NEGR1: variants seen among roughly 807,000 people sequenced by gnomAD.
The protein encoded by NEGR1 is neuronal growth regulator 1.
Under a neutral mutation model 40.9 loss-of-function variants are expected in NEGR1, and 10 were observed. The observed-to-expected ratio is 0.24, with a 90% CI of 0.15 to 0.42. The LOEUF is 0.42. Among genes scored for constraint, NEGR1 ranks in the 10% least tolerant of loss-of-function variants. The probability of loss-of-function intolerance (pLI) is 1.00; values close to 1 mark genes in which losing one functional copy is unlikely to be tolerated. For missense variants in NEGR1, 352 were observed against 438.9 expected, an observed-to-expected ratio of 0.80 and a Z score of 1.77; for synonymous variants, 185 against 166.8, an observed-to-expected ratio of 1.11 and a Z score of -0.84.
At chr1:72,102,585 G>T (rs1377872215) in intron 1 of NEGR1, among the ~76,000 whole-genome samples, 1 of 152,056 alleles carries the variant, frequency 6.6e-6, no homozygotes, top group Non-Finnish European at 1.5e-5. Flanking sequence ...TTTTGCTAAT[G>T]ATGGTGTAAC....
At chr1:72,090,113 G>A (rs1465645734) in intron 1 of NEGR1, among the ~76,000 whole-genome samples, 1 of 151,966 alleles carries the variant, frequency 6.6e-6, no homozygotes, top group African/African-American at 2.4e-5. Context: ...TTCTTAGTAA[G>A]AAGATAGTTG....
At chr1:72,038,298 T>C (rs2100451590) in intron 1 of NEGR1, among the ~76,000 whole-genome samples, 1 of 152,174 alleles carries the variant, frequency 6.6e-6, no homozygotes, top group South Asian at 2.1e-4. Context: ...TGGCAAGACA[T>C]ATGCCTAAAT....
Position 71,515,724 on chromosome 1 carries a change from A to G in NEGR1, c.940+77093T>C, listed in dbSNP as rs886133875. The stretch of plus-strand genomic sequence containing the variant: ...GACAGGATCAAATTCACACATAACA[A>G]TATTAACTTTAAATGTAAGTGGACT... On this transcript the variant is annotated intron_variant, in intron 6 of 6. Transcript: ENST00000357731. 2.9e-5 allele frequency among the ~76,000 whole-genome samples: 4 copies of G among 138,106 alleles called. 1 individual carries two copies. Among genetic ancestry groups the G allele is most frequent in the Admixed American group, 7.1e-5 (1 of 14,154 alleles). The allele number at this position is 138,106 out of a possible 152,430, so 90.6% of individuals were successfully genotyped here. A position where few individuals can be genotyped will look rare whatever the true frequency, so the allele number is the denominator to read the frequency against.
chr1:71,600,226 GGCTATAAC>G (rs1422227133), intron 5 of NEGR1, among the ~76,000 whole-genome samples: 1 of 152,180 alleles, frequency 6.6e-6, no homozygotes, highest in Non-Finnish European at 1.5e-5. Context: ...TTTAGTAAAA[GGCTATAAC>G]GCAGTCTTCC....
intron 1 of NEGR1, among the ~76,000 whole-genome samples, chr1:72,096,142 A>T (rs191154064): frequency 6.2e-4 from 95 of 152,238 alleles, no homozygotes; most frequent in African/African-American, 2.0e-3. Context: ...TTTCCAATTA[A>T]AATTGAAAAT....
At chr1:71,954,475 T>C (rs916647750) in intron 1 of NEGR1, among the ~76,000 whole-genome samples, 6 of 151,914 alleles carry the variant, frequency 3.9e-5, no homozygotes, top group Non-Finnish European at 7.4e-5. Context: ...ATATATACTA[T>C]GGAATTTAAA....
intron 6 of NEGR1, among the ~76,000 whole-genome samples, chr1:71,590,106 A>C (rs1649449072): frequency 6.6e-6 from 1 of 152,066 alleles, no homozygotes; most frequent in Non-Finnish European, 1.5e-5. Context: ...GGCTCATCCT[A>C]ATCACCTTTA....
At chr1:71,557,772 C>CATT (rs962047377) in intron 6 of NEGR1, among the ~76,000 whole-genome samples, 5 of 151,562 alleles carry the variant, frequency 3.3e-5, no homozygotes, top group Non-Finnish European at 7.4e-5. Flanking sequence ...GGCACAATGT[C>CATT]ATTAACCAAA....
intron 2 of NEGR1, among the ~76,000 whole-genome samples, chr1:71,797,049 G>A (rs1292729368): frequency 6.6e-6 from 1 of 152,062 alleles, no homozygotes; most frequent in Non-Finnish European, 1.5e-5. Context: ...AAGAGGAGAA[G>A]GACTTCAGAC....
intron 2 of NEGR1, among the ~76,000 whole-genome samples, chr1:71,908,100 C>T (rs1239560224): frequency 6.6e-6 from 1 of 151,648 alleles, no homozygotes; most frequent in Non-Finnish European, 1.5e-5. Flanking sequence ...CAAACCTCAG[C>T]ATCACACAAT....
intron 1 of NEGR1, among the ~76,000 whole-genome samples, chr1:72,271,996 C>A (rs1484921255): frequency 6.6e-6 from 1 of 151,860 alleles, no homozygotes; most frequent in African/African-American, 2.4e-5. Context: ...AATTAAACCT[C>A]TTTTTCTTCC....
intron 2 of NEGR1, among the ~76,000 whole-genome samples, chr1:71,821,890 T>C (rs1037975299): frequency 1.3e-5 from 2 of 151,874 alleles, no homozygotes; most frequent in African/African-American, 4.8e-5. Flanking sequence ...GCAAGCAACA[T>C]GAGCAGATAA....
At chr1:72,056,464 G>A (rs1385250261) in intron 1 of NEGR1, among the ~76,000 whole-genome samples, 1 of 151,274 alleles carries the variant, frequency 6.6e-6, no homozygotes, top group African/African-American at 2.4e-5. Context: ...ACTTCTCAGA[G>A]TTAGTGCTGT....
intron 1 of NEGR1, among the ~76,000 whole-genome samples, chr1:72,232,848 G>A (rs1200190303): frequency 2.6e-5 from 4 of 152,072 alleles, no homozygotes; most frequent in African/African-American, 9.7e-5. Context: ...AACCTCCTCA[G>A]AGCCTCTTTT....
chr1:72,046,102 G>GT (rs1490452204), intron 1 of NEGR1, among the ~76,000 whole-genome samples: 1 of 151,684 alleles, frequency 6.6e-6, no homozygotes, highest in Non-Finnish European at 1.5e-5. Context: ...AGGAAAAACT[G>GT]TATTTCTGTT....
intron 2 of NEGR1, among the ~76,000 whole-genome samples, chr1:71,916,332 A>G (rs1329612123): frequency 1.3e-5 from 2 of 152,214 alleles, no homozygotes; most frequent in African/African-American, 2.4e-5. Context: ...CTCCCTTACT[A>G]ATCATCAGGA....
chr1:71,404,482 G>A lies in NEGR1; in HGVS notation c.*2964C>T, dbSNP rs1424240226. 1 of 151,886 alleles carries A rather than the reference G, an allele frequency of 6.6e-6. No individual in the cohort carries two copies. Among genetic ancestry groups the A allele is most frequent in the Non-Finnish European group, 1.5e-5 (1 of 67,694 alleles). The allele number at this position is 151,886 out of a possible 1,614,324, so 9.4% of individuals were successfully genotyped here. A position where few individuals can be genotyped will look rare whatever the true frequency, so the allele number is the denominator to read the frequency against. The stretch of plus-strand genomic sequence containing the variant: ...TTGCAGTTAAACTAAGAATGCAAAT[G>A]TGTAAGTTAACTACCCTAATACTCT... On this transcript the variant is annotated 3_prime_UTR_variant, in exon 7 of 7. Transcript: ENST00000357731.
intron 1 of NEGR1, among the ~76,000 whole-genome samples, chr1:72,014,849 A>G (rs1469922377): frequency 6.6e-6 from 1 of 151,186 alleles, no homozygotes; most frequent in Non-Finnish European, 1.5e-5. Context: ...TCAATGTAAC[A>G]ATAATTATCA....
intron 1 of NEGR1, among the ~76,000 whole-genome samples, chr1:72,280,387 G>A (rs1036626631): frequency 6.6e-6 from 1 of 152,196 alleles, no homozygotes; most frequent in African/African-American, 2.4e-5. Context: ...AAATGGTAAT[G>A]CTCACTACAA....
Sources: allele counts gnomAD v4.1 joint callset (sites outside exome capture counted in the v4.1 genomes callset), GRCh38; gene constraint gnomAD v4.1.1; transcripts MANE v1.5; gene names NCBI Gene and HGNC (gene_info 2026-07-23, HGNC 2026-07-21).